CHD9: variants seen among roughly 807,000 people sequenced by gnomAD.
The protein encoded by CHD9 is chromodomain helicase DNA binding protein 9, also known as ATP-dependent chromatin remodeler CHD9.
In CHD9, 77 loss-of-function variants were observed where a neutral mutation model predicts 316.1. The observed-to-expected ratio is 0.24, with a 90% CI of 0.20 to 0.29. The LOEUF is 0.29. Among genes scored for constraint, CHD9 ranks in the 10% least tolerant of loss-of-function variants. The pLI, the probability that CHD9 is intolerant of heterozygous loss-of-function variation, is 1.00. For missense variants in CHD9, 2,763 were observed against 3,438.1 expected (o/e 0.80, Z 4.91); for synonymous variants, 1,129 against 1,158.3 (o/e 0.97, Z 0.51).
chr16:53,162,080 A>C (rs2041951922), intron 2 of CHD9, among the ~76,000 whole-genome samples: 1 of 152,162 alleles, frequency 6.6e-6, no homozygotes, highest in African/African-American at 2.4e-5. Flanking sequence ...TCCCAACTAT[A>C]GTGGGGTGAT....
chr16:53,320,646 T>G (rs2057214353), intron 37 of CHD9, among the ~76,000 whole-genome samples: 1 of 152,204 alleles, frequency 6.6e-6, no homozygotes, highest in Non-Finnish European at 1.5e-5. Context: ...AAGAAATATT[T>G]TTAGTCTCTA....
At chr16:53,231,547 G>A in intron 9 of CHD9, 42 bp downstream of exon 9, 2 of 1,413,074 alleles carry the variant, frequency 1.4e-6, no homozygotes, top group Non-Finnish European at 2.0e-6. Flanking sequence ...AGAAAAATCT[G>A]AAACTTTCCA....
intron 1 of CHD9, among the ~76,000 whole-genome samples, chr16:53,086,362 A>G (rs528290954): frequency 2.6e-5 from 4 of 152,264 alleles, no homozygotes; most frequent in Admixed American, 6.5e-5. Flanking sequence ...TGCCGCACCA[A>G]TTATACACAG....
intron 30 of CHD9, chr16:53,298,655 AAAAT>A (rs1461326659): frequency 6.6e-6 from 1 of 152,290 alleles, no homozygotes; most frequent in Non-Finnish European, 1.5e-5. Context: ...CCTTGTCCCT[AAAAT>A]AAATAAACAG....
intron 24 of CHD9, among the ~76,000 whole-genome samples, chr16:53,283,038 C>T (rs1398792204): frequency 6.6e-6 from 1 of 152,136 alleles, no homozygotes; most frequent in Non-Finnish European, 1.5e-5. Context: ...CACATTTCTC[C>T]AATGGGCCAT....
At chr16:53,166,486 A>T (rs554436095) in intron 2 of CHD9, among the ~76,000 whole-genome samples, 1 of 152,154 alleles carries the variant, frequency 6.6e-6, no homozygotes, top group African/African-American at 2.4e-5. Context: ...ACATTCCCAG[A>T]TACCTTAGGA....
At chr16:53,063,662 G>A (rs2033194554) in intron 1 of CHD9, among the ~76,000 whole-genome samples, 1 of 151,604 alleles carries the variant, frequency 6.6e-6, no homozygotes, top group Non-Finnish European at 1.5e-5. Context: ...CTCCTCAGTA[G>A]CTGGGACTAC....
chr16:53,193,732 A>G (rs1031310673), intron 2 of CHD9, among the ~76,000 whole-genome samples: 2 of 152,168 alleles, frequency 1.3e-5, no homozygotes, highest in Admixed American at 1.3e-4. Context: ...GAGTGCCTGC[A>G]TGTCAGATAC....
Position 53,238,576 on chromosome 16 carries a change from G to A in CHD9, c.2867G>A (p.Arg956Lys), listed in dbSNP as rs775589705. 1.2e-6 allele frequency: 2 copies of A among 1,613,020 alleles called. No homozygotes were observed. Among genetic ancestry groups the A allele is most frequent in the Admixed American group, 3.3e-5 (2 of 59,978 alleles). The part of the protein sequence containing the change: ...QMIQQYEMYF[R>K]DSQGRIIRGA... ...ATACAGCAATACGAGATGTACTTCA[G>A]GGATTCACAGGTGTGTTATTGATTA... Residue 956 changes from arginine to lysine, a missense_variant, in exon 12 of 39, where the codon AGG becomes AAG. Transcript: ENST00000447540.
intron 2 of CHD9, among the ~76,000 whole-genome samples, chr16:53,182,104 T>C (rs2043577082): frequency 6.6e-6 from 1 of 152,194 alleles, no homozygotes; most frequent in Admixed American, 6.5e-5. Flanking sequence ...GCATGATTAA[T>C]TAAGCATGCA....
chr16:53,212,421 T>A (rs576338774), intron 3 of CHD9, among the ~76,000 whole-genome samples: 58 of 148,320 alleles, frequency 3.9e-4, no homozygotes, highest in Middle Eastern at 3.5e-3. Flanking sequence ...AAAAAAAAAA[T>A]TTTTTTTAAA....
intron 1 of CHD9, among the ~76,000 whole-genome samples, chr16:53,093,661 G>GC (rs1350766508): frequency 1.6e-4 from 24 of 152,162 alleles, no homozygotes; most frequent in African/African-American, 5.6e-4. Flanking sequence ...TCTCACTAAT[G>GC]CCTTTCAATC....
intron 30 of CHD9, among the ~76,000 whole-genome samples, chr16:53,303,296 G>C (rs2055629686): frequency 6.6e-6 from 1 of 150,830 alleles, no homozygotes; most frequent in South Asian, 2.1e-4. Context: ...GAAGCCAAAA[G>C]ATTGGACAAC....
At chr16:53,138,993 A>G (rs1349209129) in intron 1 of CHD9, among the ~76,000 whole-genome samples, 1 of 152,058 alleles carries the variant, frequency 6.6e-6, no homozygotes, top group Non-Finnish European at 1.5e-5. Flanking sequence ...ATCCTGGAGG[A>G]GGTGCTGTGG....
Position 53,063,971 on chromosome 16 carries a change from G to T in CHD9, c.-165+8894G>T, listed in dbSNP as rs1287431289. 9.9e-5 allele frequency among the ~76,000 whole-genome samples: 15 copies of T among 151,506 alleles called. No individual in the cohort carries two copies. In the East Asian group the frequency reaches 2.9e-3, roughly 29 times the overall value. On this transcript the variant is annotated intron_variant, in intron 1 of 38. Transcript: ENST00000447540. ...ACCTCAGCCTCCAGAGTAGCTGGGGGTACAGACCTATGAGCCACCATGCCC... is the reference window on the plus strand; with the variant it reads ...ACCTCAGCCTCCAGAGTAGCTGGGGTTACAGACCTATGAGCCACCATGCCC...
chr16:53,292,226 C>A (rs921780155), intron 28 of CHD9, among the ~76,000 whole-genome samples: 7 of 152,198 alleles, frequency 4.6e-5, no homozygotes, highest in African/African-American at 1.7e-4. Context: ...CCCAGAGGAA[C>A]AGTGCCTCAC....
intron 1 of CHD9, among the ~76,000 whole-genome samples, chr16:53,092,629 C>T (rs1310953116): frequency 6.6e-5 from 10 of 152,136 alleles, no homozygotes; most frequent in Admixed American, 5.9e-4. Context: ...GTGTCTGTTA[C>T]GTGTAACCCC....
chr16:53,082,994 G>A (rs1277135525), intron 1 of CHD9, among the ~76,000 whole-genome samples: 2 of 152,158 alleles, frequency 1.3e-5, no homozygotes, highest in Non-Finnish European at 1.5e-5. Context: ...GACTATGATT[G>A]TGTCTTCCTT....
At chr16:53,306,033 G>A (rs537779269) in intron 31 of CHD9, among the ~76,000 whole-genome samples, 2 of 152,248 alleles carry the variant, frequency 1.3e-5, no homozygotes, top group East Asian at 3.9e-4. Context: ...TGTCCAGGCT[G>A]TGCAACACAG....
Sources: allele counts gnomAD v4.1 joint callset (sites outside exome capture counted in the v4.1 genomes callset), GRCh38; gene constraint gnomAD v4.1.1; transcripts MANE v1.5; gene names NCBI Gene and HGNC (gene_info 2026-07-23, HGNC 2026-07-21).